GLT1D1: variants seen among roughly 807,000 people sequenced by gnomAD.
The protein encoded by GLT1D1 is glycosyltransferase 1 domain-containing protein 1.
Under a neutral mutation model 28.7 loss-of-function variants are expected in GLT1D1, and 21 were observed. The observed-to-expected ratio is 0.73, with a 90% confidence interval of 0.52 to 1.05. GLT1D1 has a LOEUF of 1.05. Ranked by LOEUF, GLT1D1 falls within the 50% of genes least tolerant of loss-of-function variation. The pLI, the probability that GLT1D1 is intolerant of heterozygous loss-of-function variation, is 0.00. For synonymous variants in GLT1D1, 147 were observed against 124.8 expected (o/e 1.18, Z -1.19); for missense variants, 343 against 330.6 (o/e 1.04, Z -0.29).
intron 4 of GLT1D1, among the ~76,000 whole-genome samples, chr12:128,941,732 C>A (rs1277364965): frequency 2.6e-5 from 4 of 151,624 alleles, no homozygotes; most frequent in Admixed American, 6.6e-5. Flanking sequence ...ACTCTACCCC[C>A]ACGCCCAGTC....
intron 7 of GLT1D1, among the ~76,000 whole-genome samples, chr12:128,958,963 A>G (rs1291471828): frequency 1.3e-5 from 2 of 149,660 alleles, no homozygotes; most frequent in Admixed American, 6.7e-5. Flanking sequence ...TCAGCCTCCT[A>G]AGTAGCTGGG....
chr12:128,880,756 G>T (rs1332448268), intron 2 of GLT1D1, among the ~76,000 whole-genome samples: 1 of 151,912 alleles, frequency 6.6e-6, no homozygotes, highest in Non-Finnish European at 1.5e-5. Flanking sequence ...ACTTATAGAG[G>T]TGATTTGGAA....
At chr12:128,942,743 G>GTTTTTTTT (rs1254764237) in intron 4 of GLT1D1, among the ~76,000 whole-genome samples, 4 of 100,876 alleles carry the variant, frequency 4.0e-5, no homozygotes, top group African/African-American at 1.3e-4. Flanking sequence ...TTGTTTGTTT[G>GTTTTTTTT]TTTTTGTTTT....
chr12:128,974,418 C>T (rs1879565694), intron 7 of GLT1D1, among the ~76,000 whole-genome samples: 1 of 152,170 alleles, frequency 6.6e-6, no homozygotes, highest in African/African-American at 2.4e-5. Flanking sequence ...GAATAAAACA[C>T]AGGTTCTCCG....
At chr12:128,973,267 C>T (rs1423560586) in intron 7 of GLT1D1, among the ~76,000 whole-genome samples, 2 of 144,984 alleles carry the variant, frequency 1.4e-5, no homozygotes, top group Non-Finnish European at 3.0e-5. Context: ...ATTGTAACCT[C>T]CGCCTCCTGG....
chr12:128,889,328 G>A (rs912425528), intron 3 of GLT1D1, among the ~76,000 whole-genome samples: 3 of 152,154 alleles, frequency 2.0e-5, no homozygotes, highest in African/African-American at 7.2e-5. Flanking sequence ...TTTCTAAACT[G>A]TGGCTTAGGC....
In GLT1D1 at chr12:128,879,362, CTTATTATTTTTT is replaced by C. The variant is rs1566096077; in HGVS notation, c.217+3302_217+3313del. Among the ~76,000 whole-genome samples the C allele has an allele frequency of 6.6e-4, 93 of 140,560 alleles. 2 individuals carry two copies. Among genetic ancestry groups the C allele is most frequent in the African/African-American group, 2.5e-3 (87 of 35,242 alleles). 92.2% of individuals were successfully genotyped at this position (140,560 alleles called of 152,430 possible). On this transcript the variant is annotated intron_variant, in intron 2 of 7. Coordinates refer to ENST00000281703, the MANE Select transcript of GLT1D1 (RefSeq NM_144669.3). ...TTGTGTCATTTTCTGTAAAGTGATA[CTTATTATTTTTT>C]TCTTTTTCTTTCTTTCTTTCTTTCT... is the stretch of plus-strand genomic sequence containing the variant.
At chr12:128,965,366 C>T (rs987190428) in intron 7 of GLT1D1, among the ~76,000 whole-genome samples, 8 of 152,150 alleles carry the variant, frequency 5.3e-5, no homozygotes, top group African/African-American at 1.9e-4. Flanking sequence ...CTGAATTCTG[C>T]CAACAACTGT....
chr12:128,906,008 C>CTT (rs77388310), intron 4 of GLT1D1, among the ~76,000 whole-genome samples: 2 of 146,010 alleles, frequency 1.4e-5, no homozygotes, highest in Admixed American at 6.8e-5. Flanking sequence ...GAAATTTTGA[C>CTT]TTTTTTTTTT....
At chr12:128,897,794 G>C (rs929257332) in intron 3 of GLT1D1, among the ~76,000 whole-genome samples, 2 of 151,784 alleles carry the variant, frequency 1.3e-5, no homozygotes, top group East Asian at 1.9e-4. Context: ...TCAGCCTCCC[G>C]AGTAGCTGGG....
chr12:128,910,548 T>A (rs1283147678), intron 4 of GLT1D1, among the ~76,000 whole-genome samples: 3 of 152,150 alleles, frequency 2.0e-5, no homozygotes, highest in Non-Finnish European at 4.4e-5. Context: ...CAGGGTTGTT[T>A]TAGGAAGAAA....
At chr12:128,860,107 T>C (rs908119937) in intron 1 of GLT1D1, among the ~76,000 whole-genome samples, 5 of 152,200 alleles carry the variant, frequency 3.3e-5, no homozygotes, top group Admixed American at 1.3e-4. Flanking sequence ...TCTAGAGATG[T>C]CTCCTAAGCA....
In GLT1D1 at chr12:128,903,428, G is replaced by A. The variant is rs572624970; in HGVS notation, c.375+4141G>A. Among the ~76,000 whole-genome samples, 79 of 151,832 alleles carry A rather than the reference G, an allele frequency of 5.2e-4. 2 individuals are homozygous for A. The highest frequency in any genetic ancestry group is 1.0e-3 in the Non-Finnish European group (69 of 67,988). ...AAAGCAACTCAGCGGGTGGAGATACGGTCCCCACCTCATAATGAGAGGATC... is the reference window on the plus strand; with the variant it reads ...AAAGCAACTCAGCGGGTGGAGATACAGTCCCCACCTCATAATGAGAGGATC... On this transcript the variant is annotated intron_variant, in intron 4 of 7. Coordinates refer to ENST00000281703, the MANE Select transcript of GLT1D1 (RefSeq NM_144669.3).
chr12:128,872,845 C>T (rs1391883176), intron 1 of GLT1D1, among the ~76,000 whole-genome samples: 1 of 151,924 alleles, frequency 6.6e-6, no homozygotes, highest in Admixed American at 6.6e-5. Context: ...GCTCGTGTGT[C>T]TCTTTCTTTC....
intron 6 of GLT1D1, among the ~76,000 whole-genome samples, chr12:128,951,472 G>GT (rs1047013636): frequency 2.0e-5 from 3 of 152,176 alleles, no homozygotes; most frequent in Non-Finnish European, 1.5e-5. Flanking sequence ...TTGCTTGCCA[G>GT]TTTTTTTGTT....
chr12:128,923,047 T>G (rs546417143), intron 4 of GLT1D1, among the ~76,000 whole-genome samples: 97 of 152,318 alleles, frequency 6.4e-4, no homozygotes, highest in Middle Eastern at 3.4e-3. Flanking sequence ...TCCAAGGCTT[T>G]TCTAAGAGCG....
intron 3 of GLT1D1, among the ~76,000 whole-genome samples, chr12:128,891,073 A>C (rs1194451757): frequency 6.6e-6 from 1 of 151,040 alleles, no homozygotes; most frequent in Non-Finnish European, 1.5e-5. Flanking sequence ...TTGCCATTGC[A>C]CTCTAGCCTG....
At chr12:128,963,695 G>A (rs915358784) in intron 7 of GLT1D1, among the ~76,000 whole-genome samples, 9 of 152,134 alleles carry the variant, frequency 5.9e-5, no homozygotes, top group Non-Finnish European at 1.3e-4. Context: ...AAATTAACGT[G>A]TGCTGGCTCC....
At chr12:128,874,098 T>TTCTTTCTTTC (rs1956788789) in intron 1 of GLT1D1, among the ~76,000 whole-genome samples, 2 of 33,052 alleles carry the variant, frequency 6.1e-5, no homozygotes, top group African/African-American at 1.3e-4. Context: ...CTTTCTTTCT[T>TTCTTTCTTTC]TCTCTCTCTC....
Sources: allele counts gnomAD v4.1 joint callset (sites outside exome capture counted in the v4.1 genomes callset), GRCh38; gene constraint gnomAD v4.1.1; transcripts MANE v1.5; gene names NCBI Gene and HGNC (gene_info 2026-07-23, HGNC 2026-07-21).